IRS1: variants seen among roughly 807,000 people sequenced by gnomAD.
The protein encoded by IRS1 is insulin receptor substrate 1.
In IRS1, 34 loss-of-function variants were observed where a neutral mutation model predicts 65.6. The observed-to-expected ratio is 0.52, with a 90% confidence interval of 0.39 to 0.69. IRS1 has a LOEUF of 0.69. Among genes scored for constraint, IRS1 ranks in the 30% least tolerant of loss-of-function variants. IRS1 has a pLI of 0.00. For missense variants in IRS1, 1,641 were observed against 1,720.2 expected, an observed-to-expected ratio of 0.95 and a Z score of 0.81; for synonymous variants, 699 against 683.5, an observed-to-expected ratio of 1.02 and a Z score of -0.35.
chr2:226,779,337 G>A (rs904261747), intron 1 of IRS1, among the ~76,000 whole-genome samples: 1 of 152,200 alleles, frequency 6.6e-6, no homozygotes, highest in Non-Finnish European at 1.5e-5. Flanking sequence ...ACAGATAAAT[G>A]AGGTGTTGGT....
rs1938276165 is a variant in IRS1 at position 226,733,845 on chromosome 2, A to G, written c.*2427T>C. On this transcript the variant is annotated 3_prime_UTR_variant, in exon 2 of 2. Coordinates refer to ENST00000305123, the MANE Select transcript of IRS1 (RefSeq NM_005544.3). ...CACCATCAAAACCAGCTCAGGCACC[A>G]CTAGAAGCAGCTTAAATAAGAATTT... 6.6e-6 allele frequency: 1 copy of G among 152,240 alleles called. No homozygotes were observed. The highest frequency in any genetic ancestry group is 2.1e-4 in the South Asian group (1 of 4,836). The allele number at this position is 152,240 out of a possible 1,614,324, so 9.4% of individuals were successfully genotyped here.
In IRS1 at chr2:226,733,574, T is replaced by C. The variant is rs552551474; in HGVS notation, c.*2698A>G. ...CTCTAAGGAAAAACGCTGTGAGAGG[T>C]TGGTGTCATCAAGAAAAACCCACTA... On this transcript the variant is annotated 3_prime_UTR_variant, in exon 2 of 2. Transcript: ENST00000305123. 1.3e-5 allele frequency: 2 copies of C among 152,278 alleles called. No homozygotes were observed. The highest frequency in any genetic ancestry group is 2.1e-4 in the South Asian group (1 of 4,824). The allele number at this position is 152,278 out of a possible 1,614,324, so 9.4% of individuals were successfully genotyped here. A position where few individuals can be genotyped will look rare whatever the true frequency, so the allele number is the denominator to read the frequency against.
intron 1 of IRS1, among the ~76,000 whole-genome samples, chr2:226,777,123 G>A (rs527823769): frequency 3.9e-5 from 6 of 152,220 alleles, no homozygotes; most frequent in Non-Finnish European, 8.8e-5. Flanking sequence ...GACATTAGGG[G>A]AAAACTGAGG....
intron 1 of IRS1, among the ~76,000 whole-genome samples, chr2:226,785,202 T>C (rs16822644): frequency 0.15 from 22,836 of 152,192 alleles, 2,125 homozygotes; most frequent in South Asian, 0.27. Flanking sequence ...TATTAAGAAC[T>C]AGTTATTCAC....
chr2:226,782,327 T>C (rs1939399878), intron 1 of IRS1, among the ~76,000 whole-genome samples: 1 of 152,210 alleles, frequency 6.6e-6, no homozygotes, highest in Non-Finnish European at 1.5e-5. Context: ...ATGTAAATAG[T>C]AGCTGATGGG....
intron 1 of IRS1, among the ~76,000 whole-genome samples, chr2:226,774,466 T>C (rs1939229839): frequency 2.6e-5 from 4 of 151,896 alleles, no homozygotes; most frequent in Admixed American, 2.0e-4. Flanking sequence ...CAGTGTGGAG[T>C]TGGTTTGAAA....
rs1464148007 is a variant in IRS1 at position 226,796,420 on chromosome 2, G to A, written c.2319C>T (p.His773=). ...SYYSLPRSFK[H]TQRPGEPEEG... is the part of the protein sequence containing the mutation. ...CCTCCGGCTCCCCGGGGCGCTGGGT[G>A]TGCTTAAAGGATCTTGGCAATGAGT... Residue 773 remains histidine, a synonymous_variant, in exon 1 of 2, where the codon CAC becomes CAT. Transcript: ENST00000305123. 1.2e-6 allele frequency: 2 copies of A among 1,613,470 alleles called. No homozygotes were observed. The highest frequency in any genetic ancestry group is 1.3e-5 in the African/African-American group (1 of 74,946).
chr2:226,733,386 G>C lies in IRS1; in HGVS notation c.*2886C>G, dbSNP rs1162633261. The C allele has an allele frequency of 1.3e-5, 2 of 152,276 alleles. No individual in the cohort carries two copies. The highest frequency in any genetic ancestry group is 3.4e-3 in the Middle Eastern group (1 of 294). 9.4% of individuals were successfully genotyped at this position (152,276 alleles called of 1,614,324 possible). ...AGAAATAGCCACAAATGTAACATCA[G>C]TACTGATTTCTCATTATTGACTCAG... On this transcript the variant is annotated 3_prime_UTR_variant, in exon 2 of 2. Coordinates refer to ENST00000305123, the MANE Select transcript of IRS1 (RefSeq NM_005544.3).
At chr2:226,751,124 A>T (rs1432667831) in intron 1 of IRS1, among the ~76,000 whole-genome samples, 6 of 152,176 alleles carry the variant, frequency 3.9e-5, no homozygotes, top group African/African-American at 7.2e-5. Context: ...GAAATTTTCC[A>T]GGTGGGTAAG....
chr2:226,769,938 A>G (rs893360458), intron 1 of IRS1, among the ~76,000 whole-genome samples: 1 of 152,264 alleles, frequency 6.6e-6, no homozygotes, highest in Admixed American at 6.5e-5. Context: ...TCCCAGTTTC[A>G]CTGCTCTCCT....
chr2:226,766,418 C>T (rs993188813), intron 1 of IRS1, among the ~76,000 whole-genome samples: 2 of 151,388 alleles, frequency 1.3e-5, no homozygotes, highest in Non-Finnish European at 2.9e-5. Context: ...CTTGCCTTTG[C>T]CTCCCAAAGT....
In IRS1 at chr2:226,748,451, C is replaced by A. The variant is rs202027365; in HGVS notation, c.*22-12201G>T. Among the ~76,000 whole-genome samples, 373 of 135,598 alleles carry A rather than the reference C, an allele frequency of 2.8e-3. 4 individuals are homozygous for A. The highest frequency in any genetic ancestry group is 7.7e-3 in the Middle Eastern group (2 of 260). The allele number at this position is 135,598 out of a possible 152,430, so 89.0% of individuals were successfully genotyped here. A position where few individuals can be genotyped will look rare whatever the true frequency, so the allele number is the denominator to read the frequency against. On this transcript the variant is annotated intron_variant, in intron 1 of 1. Transcript: ENST00000305123. The stretch of plus-strand genomic sequence containing the variant: ...CTCAAAAAAAAAAAAAAAAAAAAAA[C>A]CAAACCAAAATGTTAAATATTAGAT...
chr2:226,738,072 C>A (rs1292470607), intron 1 of IRS1, among the ~76,000 whole-genome samples: 1 of 152,080 alleles, frequency 6.6e-6, no homozygotes, highest in Non-Finnish European at 1.5e-5. Context: ...GGTGAAGAAC[C>A]TTGAATGACA....
In IRS1 at chr2:226,732,215, T is replaced by C. The variant is rs1294747741; in HGVS notation, c.*4057A>G. The C allele has an allele frequency of 6.6e-6, 1 of 152,034 alleles. No individual in the cohort carries two copies. The highest frequency in any genetic ancestry group is 1.9e-4 in the East Asian group (1 of 5,186). The allele number at this position is 152,034 out of a possible 1,614,324, so 9.4% of individuals were successfully genotyped here. ...AGTGGGAGACACACAACAGGCTACATATTCTCTACCCATACTTAGGAGACA... is the reference window on the plus strand; with the variant it reads ...AGTGGGAGACACACAACAGGCTACACATTCTCTACCCATACTTAGGAGACA... On this transcript the variant is annotated 3_prime_UTR_variant, in exon 2 of 2. Coordinates refer to ENST00000305123, the MANE Select transcript of IRS1 (RefSeq NM_005544.3).
Position 226,733,554 on chromosome 2 carries a change from A to C in IRS1, c.*2718T>G, listed in dbSNP as rs1192031698. On this transcript the variant is annotated 3_prime_UTR_variant, in exon 2 of 2. Coordinates refer to ENST00000305123, the MANE Select transcript of IRS1 (RefSeq NM_005544.3). ...TTTTAAAACTCTGCTTAAGTCTCTA[A>C]GGAAAAACGCTGTGAGAGGTTGGTG... The C allele has an allele frequency of 6.6e-6, 1 of 152,236 alleles. No individual in the cohort carries two copies. The highest frequency in any genetic ancestry group is 6.5e-5 in the Admixed American group (1 of 15,290). The allele number at this position is 152,236 out of a possible 1,614,324, so 9.4% of individuals were successfully genotyped here.
intron 1 of IRS1, among the ~76,000 whole-genome samples, chr2:226,763,091 G>C (rs941179158): frequency 6.6e-6 from 1 of 152,112 alleles, no homozygotes; most frequent in Non-Finnish European, 1.5e-5. Flanking sequence ...AAAGATAAAG[G>C]GGGAAAAATG....
At chr2:226,767,746 T>C (rs1478255407) in intron 1 of IRS1, among the ~76,000 whole-genome samples, 3 of 152,210 alleles carry the variant, frequency 2.0e-5, no homozygotes. Context: ...GCCTCGGTGA[T>C]GCTGGTAATG....
Position 226,748,428 on chromosome 2 carries a change from C to CAA in IRS1, c.*22-12180_*22-12179dup, listed in dbSNP as rs748065097. Among the ~76,000 whole-genome samples the CAA allele has an allele frequency of 3.7e-3, 179 of 48,290 alleles. 2 individuals carry two copies. Among genetic ancestry groups the CAA allele is most frequent in the African/African-American group, 5.7e-3 (74 of 12,900 alleles). 31.7% of individuals were successfully genotyped at this position (48,290 alleles called of 152,430 possible). On this transcript the variant is annotated intron_variant, in intron 1 of 1. Transcript: ENST00000305123. ...TGGGAAACAGAGCGAGACTCTGTCT[C>CAA]AAAAAAAAAAAAAAAAAAAAAACCA...
chr2:226,799,298 C>T lies in IRS1; in HGVS notation c.-560G>A. The T allele has an allele frequency of 8.3e-7, 1 of 1,205,914 alleles. No homozygotes were observed. Among genetic ancestry groups the T allele is most frequent in the Non-Finnish European group, 1.1e-6 (1 of 942,360 alleles). 74.7% of individuals were successfully genotyped at this position (1,205,914 alleles called of 1,614,324 possible). A position where few individuals can be genotyped will look rare whatever the true frequency, so the allele number is the denominator to read the frequency against. ...TCGCCTCCTCCCACCCCCCAACCGT[C>T]CCAGCCGCCACCAGCCGCCCAAATA... On this transcript the variant is annotated 5_prime_UTR_variant, in exon 1 of 2. Transcript: ENST00000305123. This position sits in a 1 kb window ranked among gnomAD's most constrained non-coding sequence, Gnocchi z 6.1.
Sources: gnomAD v4.1 joint callset for allele counts (sites outside exome capture counted in the v4.1 genomes callset) on GRCh38, gnomAD v4.1.1 for gene constraint, Gnocchi (gnomAD v3.1) non-coding constraint, MANE v1.5 for transcripts, NCBI Gene and HGNC (gene_info 2026-07-23, HGNC 2026-07-21) for gene names.